The following KNTC1 variants were observed in gnomAD, a reference collection of about 807,000 sequenced individuals.
KNTC1 encodes the protein kinetochore associated 1.
In KNTC1, 253 loss-of-function variants were observed where a neutral mutation model predicts 314.4. The ratio of observed to expected loss-of-function variants is 0.80; its 90% CI spans 0.73 to 0.89. The LOEUF (loss-of-function observed/expected upper bound fraction) is 0.89, where lower values mean the gene tolerates loss of function less well. Ranked by LOEUF, KNTC1 falls within the 40% of genes least tolerant of loss-of-function variation. The pLI is 0.00. For missense variants in KNTC1, 2,475 were observed against 2,572.9 expected (o/e 0.96, Z 0.82); for synonymous variants, 901 against 901.4 (o/e 1.00, Z 0.01).
At chr12:122,566,410 AT>A (rs35536788) in intron 20 of KNTC1, among the ~76,000 whole-genome samples, 44,440 of 144,664 alleles carry the variant, frequency 0.31, 7,433 homozygotes, top group East Asian at 0.46. Context: ...CACCTGGATA[AT>A]TTTTTTTTTT....
At chr12:122,590,478 C>A (rs1287721454) in intron 40 of KNTC1, 129 bp from the exon 41 acceptor site, 5 of 839,836 alleles carry the variant, frequency 6.0e-6, no homozygotes, top group East Asian at 5.9e-5. Context: ...GTTTTTTTTT[C>A]TTTAAAAAGT....
chr12:122,565,252 T>TTA (rs1555226997), intron 20 of KNTC1, among the ~76,000 whole-genome samples: 161 of 131,764 alleles, frequency 1.2e-3, no homozygotes, highest in African/African-American at 3.5e-3. Flanking sequence ...TTTTTTTTTT[T>TTA]AAAAAAAAAA....
intron 25 of KNTC1, 30 bp downstream of exon 25, chr12:122,573,086 G>A: frequency 6.2e-7 from 1 of 1,613,104 alleles, no homozygotes. Context: ...GAATTATTTT[G>A]TATATCAAGT....
intron 22 of KNTC1, 74 bp downstream of exon 22, chr12:122,569,898 C>A: frequency 7.4e-7 from 1 of 1,351,224 alleles, no homozygotes; most frequent in Non-Finnish European, 1.0e-6. Flanking sequence ...AGAATTAAGT[C>A]ACGTTAACAC....
At chr12:122,553,825 C>G (rs1213849043) in intron 16 of KNTC1, among the ~76,000 whole-genome samples, 1 of 151,862 alleles carries the variant, frequency 6.6e-6, no homozygotes, top group Non-Finnish European at 1.5e-5. Context: ...TTTAAATGTA[C>G]TGGGGAGTGA....
In KNTC1 at chr12:122,618,503, A is replaced by C; in HGVS notation, c.6107A>C (p.Asp2036Ala). ...TCAGCCTCTTGTCCTTTAAGTCCTG[A>C]TCAGCTGTCAGATTGTTCTGAGAGT... The part of the protein sequence containing the change: ...LLSASCPLSP[D>A]QLSDCSESLI... Residue 2036 changes from aspartate (D) to alanine (A), a missense_variant, in exon 59 of 64, where the codon GAT (aspartate) becomes GCT (alanine). Coordinates refer to ENST00000333479, the MANE Select transcript of KNTC1 (RefSeq NM_014708.6). The C allele has an allele frequency of 6.2e-7, 1 of 1,609,874 alleles. No individual in the cohort carries two copies.
intron 27 of KNTC1, among the ~76,000 whole-genome samples, chr12:122,575,265 AAAAC>A (rs1159894631): frequency 1.3e-5 from 2 of 152,208 alleles, no homozygotes; most frequent in East Asian, 3.8e-4. Flanking sequence ...CTGCCTCAAA[AAAAC>A]AAAAAAAACC....
chr12:122,547,521 C>T lies in KNTC1; in HGVS notation c.923C>T (p.Ser308Leu), dbSNP rs777771975. Residue 308 changes from serine to leucine, a missense_variant, in exon 11 of 64, where the codon TCA becomes TTA. Coordinates refer to ENST00000333479, the MANE Select transcript of KNTC1 (RefSeq NM_014708.6). The stretch of plus-strand genomic sequence containing the variant: ...ACTACAGAAGCAGACTCTCCTTCAT[C>T]AGTCACGTGGTATGTTATGACTATG... ...LLTTEADSPS[S>L]VTWQGITNLK... 6.3e-7 allele frequency: 1 copy of T among 1,593,760 alleles called. No individual in the cohort carries two copies. The highest frequency in any genetic ancestry group is 1.1e-5 in the South Asian group (1 of 90,236).
Position 122,626,336 on chromosome 12 carries a change from G to A in KNTC1, c.*108G>A, listed in dbSNP as rs960655798. On this transcript the variant is annotated 3_prime_UTR_variant, in exon 64 of 64. Transcript: ENST00000333479. ...TACAATCTCTGTATTATAGCTATTT[G>A]TCTAACATTACCCCACATGTAATAA... 8 of 750,646 alleles carry A rather than the reference G, an allele frequency of 1.1e-5. No individual in the cohort carries two copies. The highest frequency in any genetic ancestry group is 1.8e-5 in the African/African-American group (1 of 56,336). The allele number at this position is 750,646 out of a possible 1,614,324, so 46.5% of individuals were successfully genotyped here.
intron 49 of KNTC1, 24 bp downstream of exon 49, chr12:122,604,661 C>A: frequency 6.7e-7 from 1 of 1,488,460 alleles, no homozygotes; most frequent in Non-Finnish European, 9.4e-7. Context: ...ATCAGATTGG[C>A]GGCTTCTCTT....
intron 13 of KNTC1, among the ~76,000 whole-genome samples, 179 bp downstream of exon 13, chr12:122,550,043 C>T (rs566481469): frequency 1.3e-5 from 2 of 152,000 alleles, no homozygotes; most frequent in African/African-American, 2.4e-5. Flanking sequence ...AATATACTTA[C>T]TTGATAGTCT....
chr12:122,561,883 A>C (rs370561211), intron 18 of KNTC1, 38 bp from the exon 19 acceptor site: 1 of 1,469,876 alleles, frequency 6.8e-7, no homozygotes, highest in South Asian at 1.2e-5. Flanking sequence ...TAAACAGTAG[A>C]TATTCTTCTA....
chr12:122,550,071 TA>T lies in KNTC1; in HGVS notation c.1086+216del, dbSNP rs1041053952. Among the ~76,000 whole-genome samples, 117 of 151,306 alleles carry T rather than the reference TA, an allele frequency of 7.7e-4. 3 individuals carry two copies. The highest frequency in any genetic ancestry group is 6.8e-3 in the Middle Eastern group (2 of 294). On this transcript the variant is annotated intron_variant, in intron 13 of 63. Coordinates refer to ENST00000333479, the MANE Select transcript of KNTC1 (RefSeq NM_014708.6). Reference sequence around the variant, plus strand: ...GATAGTCTAAGGTTAGTCATCATATTAAAAAAAAAGTCAAAACATCAGTCAT... The same window carrying T: ...GATAGTCTAAGGTTAGTCATCATATTAAAAAAAAGTCAAAACATCAGTCAT...
Position 122,565,952 on chromosome 12 carries a change from C to CTT in KNTC1, c.1605-2292_1605-2291dup, listed in dbSNP as rs527446641. Among the ~76,000 whole-genome samples, 227 of 128,206 alleles carry CTT rather than the reference C, an allele frequency of 1.8e-3. 2 individuals carry two copies. The highest frequency in any genetic ancestry group is 2.7e-3 in the South Asian group (11 of 4,096). The allele number at this position is 128,206 out of a possible 152,430, so 84.1% of individuals were successfully genotyped here. On this transcript the variant is annotated intron_variant, in intron 20 of 63. Coordinates refer to ENST00000333479, the MANE Select transcript of KNTC1 (RefSeq NM_014708.6). The stretch of plus-strand genomic sequence containing the variant: ...TTAGAGTTTCTTTCTACGTTTCAAT[C>CTT]TTTTTTTTTTTTTTTTTTGAGACAG...
In KNTC1 at chr12:122,603,042, CTG is replaced by C. The variant is rs1872147438; in HGVS notation, c.4902_4903del (p.Tyr1635ArgfsTer23). On this transcript the variant is annotated frameshift_variant, in exon 48 of 64. Transcript: ENST00000333479. LOFTEE classifies it high-confidence loss of function. ...TTCTTTGAAGTTCTCTCTGGACACT[CTG>C]TACGTGTCTACAGCAAAACACGTTT... ...SKLMKFSLDT[L>X]YVSTAKHVFE... The C allele has an allele frequency of 1.2e-6, 2 of 1,613,444 alleles. No individual in the cohort carries two copies. The highest frequency in any genetic ancestry group is 1.1e-5 in the South Asian group (1 of 91,060).
chr12:122,534,514 ACT>A (rs1593475437), intron 2 of KNTC1, 148 bp from the exon 3 acceptor site: 1 of 690,680 alleles, frequency 1.4e-6, no homozygotes, highest in East Asian at 2.8e-5. Context: ...ACAAAGAAAA[ACT>A]CGATGATTAA....
At chr12:122,615,597 A>G (rs7307052) in intron 57 of KNTC1, 71 bp downstream of exon 57, 1 of 1,347,288 alleles carries the variant, frequency 7.4e-7, no homozygotes, top group Non-Finnish European at 1.0e-6. Context: ...ACTGCTGGGG[A>G]CACTGGATTA....
In KNTC1 at chr12:122,597,813, G is replaced by A; in HGVS notation, c.4438G>A (p.Gly1480Arg). Reference sequence around the variant, plus strand: ...CAACACAAATGCCGGCCAAGGCCAGGGAGATGCAAGCATGGACTCTGCAAA... The same window carrying A: ...CAACACAAATGCCGGCCAAGGCCAGAGAGATGCAAGCATGGACTCTGCAAA... ...LHNTNAGQGQ[G>R]DASMDSAKRR... Residue 1480 changes from glycine (G) to arginine (R), a missense_variant, in exon 44 of 64, where the codon GGA becomes AGA. Transcript: ENST00000333479. 1 of 1,614,030 alleles carries A rather than the reference G, an allele frequency of 6.2e-7. No individual in the cohort carries two copies.
chr12:122,577,946 GA>G (rs942723597), intron 31 of KNTC1, among the ~76,000 whole-genome samples, 155 bp downstream of exon 31: 1 of 151,934 alleles, frequency 6.6e-6, no homozygotes, highest in Non-Finnish European at 1.5e-5. Flanking sequence ...ACTACTAGGA[GA>G]AAAAAAACAA....
Sources: gnomAD v4.1 joint callset for allele counts (sites outside exome capture counted in the v4.1 genomes callset) on GRCh38, gnomAD v4.1.1 for gene constraint, MANE v1.5 for transcripts, NCBI Gene and HGNC (gene_info 2026-07-23, HGNC 2026-07-21) for gene names.